The following FAM181A variants were observed in gnomAD, a reference collection of about 807,000 sequenced individuals.
FAM181A encodes protein FAM181A.
A neutral mutation model predicts 16.3 loss-of-function variants in FAM181A; 7 were observed. The observed-to-expected ratio is 0.43, with a 90% CI of 0.24 to 0.81. The LOEUF is 0.81. Among genes scored for constraint, FAM181A ranks in the 30% least tolerant of loss-of-function variants. The pLI, the probability that FAM181A is intolerant of heterozygous loss-of-function variation, is 0.24. For missense variants in FAM181A, 349 were observed against 377.5 expected, an observed-to-expected ratio of 0.92 and a Z score of 0.63; for synonymous variants, 183 against 164.9, an observed-to-expected ratio of 1.11 and a Z score of -0.84.
At position 93,928,192 on chromosome 14, in the gene FAM181A, C is replaced by T. The variant is rs751134151; in HGVS notation, c.-87-7C>T. 1.2e-5 allele frequency: 20 copies of T among 1,609,278 alleles called. No individual in the cohort carries two copies. Among genetic ancestry groups the T allele is most frequent in the Admixed American group, 1.0e-4 (6 of 59,912 alleles). ...GAGAGACTCCGATGGCCTGTTTTGT[C>T]CCCCAGGTCAGCTCGGTGCCCTTCC... On this transcript the variant is annotated splice_polypyrimidine_tract_variant and splice_region_variant and intron_variant, in intron 1 of 1. Coordinates refer to ENST00000556222, the MANE Select transcript of FAM181A (RefSeq NM_001207073.2).
chr14:93,922,563 G>A (rs375510495), upstream of FAM181A, among the ~76,000 whole-genome samples: 1 of 151,840 alleles, frequency 6.6e-6, no homozygotes, highest in Non-Finnish European at 1.5e-5. Flanking sequence ...GGTGGCACAC[G>A]TCTGTAATCC....
chr14:93,929,118 A>G lies in FAM181A; in HGVS notation c.833A>G (p.Lys278Arg). The change falls in exon 2 of 2, where the codon AAG becomes AGG. Residue 278 changes from lysine (K) to arginine (R), a missense_variant. Coordinates refer to ENST00000556222, the MANE Select transcript of FAM181A (RefSeq NM_001207073.2). ...RPVVLKPIPT[K>R]PAVPPPIFNV... ...GTGGTGCTGAAACCCATCCCCACCA[A>G]GCCAGCCGTGCCCCCACCCATCTTC... The G allele has an allele frequency of 6.5e-7, 1 of 1,526,786 alleles. No homozygotes were observed. Among genetic ancestry groups the G allele is most frequent in the Non-Finnish European group, 8.8e-7 (1 of 1,138,356 alleles). The allele number at this position is 1,526,786 out of a possible 1,614,324, so 94.6% of individuals were successfully genotyped here. A position where few individuals can be genotyped will look rare whatever the true frequency, so the allele number is the denominator to read the frequency against.
chr14:93,925,400 G>C, upstream of FAM181A: 1 of 1,601,248 alleles, frequency 6.2e-7, no homozygotes, highest in Non-Finnish European at 8.5e-7. Flanking sequence ...CCAGCTGCTG[G>C]AGAGGTTCAA....
At chr14:93,925,457 T>C, upstream of FAM181A, 1 of 1,254,390 alleles carries the variant, frequency 8.0e-7, no homozygotes, top group Middle Eastern at 2.2e-4. Flanking sequence ...AGCAGGGAGC[T>C]GGCCCTGGTG....
upstream of FAM181A, among the ~76,000 whole-genome samples, chr14:93,925,566 G>A (rs1030879534): frequency 1.3e-5 from 2 of 152,166 alleles, no homozygotes; most frequent in Non-Finnish European, 2.9e-5. Flanking sequence ...GGGCTGGGAC[G>A]TGCTGCAGAA....
intron 1 of FAM181A, chr14:93,919,049 C>T (rs45571237): frequency 0.19 from 28,346 of 152,132 alleles, 3,023 homozygotes; most frequent in Non-Finnish European, 0.24. Context: ...GAATGTGGGG[C>T]GGTGGTCCAT....
rs1345741510 is a variant in FAM181A at position 93,928,797 on chromosome 14, G to T, written c.512G>T (p.Cys171Phe). ...EGPPYEGKKN[C>F]KGLEPLGPET... The stretch of plus-strand genomic sequence containing the variant: ...CCTCCCTATGAGGGTAAGAAAAATT[G>T]CAAGGGCTTGGAGCCCCTGGGACCT... Residue 171 changes from cysteine (C) to phenylalanine (F), a missense_variant, in exon 2 of 2, where the codon TGC becomes TTC. Coordinates refer to ENST00000556222, the MANE Select transcript of FAM181A (RefSeq NM_001207073.2). 2 of 1,613,960 alleles carry T rather than the reference G, an allele frequency of 1.2e-6. No individual in the cohort carries two copies. The highest frequency in any genetic ancestry group is 1.7e-5 in the Admixed American group (1 of 60,028).
upstream of FAM181A, among the ~76,000 whole-genome samples, chr14:93,926,684 A>G (rs1441679172): frequency 6.6e-6 from 1 of 152,162 alleles, no homozygotes; most frequent in Non-Finnish European, 1.5e-5. The surrounding 1 kb of genome is among the most constrained non-coding windows in gnomAD (Gnocchi z 5.2). Flanking sequence ...TGGATATCCC[A>G]GCACCTCGTT....
chr14:93,921,347 G>A (rs1262734126), intron 1 of FAM181A, among the ~76,000 whole-genome samples: 2 of 152,210 alleles, frequency 1.3e-5, no homozygotes, highest in Non-Finnish European at 2.9e-5. Context: ...AGGGGTGCTG[G>A]GGCTGGCTGA....
chr14:93,928,206 C>G lies in FAM181A; in HGVS notation c.-80C>G, dbSNP rs377346763. 5.0e-6 allele frequency: 8 copies of G among 1,612,746 alleles called. No individual in the cohort carries two copies. In the South Asian group the frequency reaches 8.8e-5, roughly 18 times the overall value. On this transcript the variant is annotated 5_prime_UTR_variant, in exon 2 of 2. Coordinates refer to ENST00000556222, the MANE Select transcript of FAM181A (RefSeq NM_001207073.2). Reference sequence around the variant, plus strand: ...GCCTGTTTTGTCCCCCAGGTCAGCTCGGTGCCCTTCCTTGGAGCTGCCGGC... The same window carrying G: ...GCCTGTTTTGTCCCCCAGGTCAGCTGGGTGCCCTTCCTTGGAGCTGCCGGC...
At chr14:93,920,664 G>A (rs1887691935) in intron 1 of FAM181A, among the ~76,000 whole-genome samples, 1 of 152,086 alleles carries the variant, frequency 6.6e-6, no homozygotes, top group Non-Finnish European at 1.5e-5. Context: ...CAGAAAATTA[G>A]GAATAGAAGA....
chr14:93,927,215 G>A (rs1258791756), upstream of FAM181A: 3 of 910,300 alleles, frequency 3.3e-6, no homozygotes, highest in Non-Finnish European at 4.0e-6. Context: ...AATTTGTGAC[G>A]GCAAAGAATG....
chr14:93,927,600 G>A, intron 1 of FAM181A, 146 bp downstream of exon 1: 1 of 1,287,042 alleles, frequency 7.8e-7, no homozygotes, highest in Non-Finnish European at 1.0e-6. Flanking sequence ...AATCCCTGCT[G>A]CCCGCAGCCT....
rs1239059928 is a variant in FAM181A at position 93,928,092 on chromosome 14, G to T, written c.-87-107G>T. On this transcript the variant is annotated intron_variant, in intron 1 of 1. Coordinates refer to ENST00000556222, the MANE Select transcript of FAM181A (RefSeq NM_001207073.2). ...TCTACCCAGGACTCTGTTTAGGGCT[G>T]AGAGGTGCTGGGGTGGGGAGACTGT... 7 of 1,506,266 alleles carry T rather than the reference G, an allele frequency of 4.6e-6. No homozygotes were observed. In the Admixed American group the frequency reaches 1.3e-4, roughly 29 times the overall value. The allele number at this position is 1,506,266 out of a possible 1,614,324, so 93.3% of individuals were successfully genotyped here. A position where few individuals can be genotyped will look rare whatever the true frequency, so the allele number is the denominator to read the frequency against.
At chr14:93,923,186 G>T (rs1887787280), upstream of FAM181A, among the ~76,000 whole-genome samples, 1 of 152,180 alleles carries the variant, frequency 6.6e-6, no homozygotes, top group Non-Finnish European at 1.5e-5. Context: ...TGTTGGCCAG[G>T]CTGGTCTCGA....
chr14:93,926,540 C>T (rs1469346139), upstream of FAM181A, among the ~76,000 whole-genome samples: 1 of 152,250 alleles, frequency 6.6e-6, no homozygotes, highest in Non-Finnish European at 1.5e-5. The surrounding 1 kb of genome is among the most constrained non-coding windows in gnomAD (Gnocchi z 5.2). Flanking sequence ...AACTGTTTGA[C>T]TACAAATGCA....
upstream of FAM181A, among the ~76,000 whole-genome samples, chr14:93,924,268 G>A (rs1236351019): frequency 6.6e-6 from 1 of 152,190 alleles, no homozygotes; most frequent in Non-Finnish European, 1.5e-5. Context: ...AGGAGTTGGC[G>A]GAAGGCATCC....
intron 1 of FAM181A, among the ~76,000 whole-genome samples, chr14:93,921,517 C>T (rs1168824167): frequency 1.3e-5 from 2 of 152,238 alleles, no homozygotes; most frequent in African/African-American, 2.4e-5. Context: ...AGAAGCACGT[C>T]CACTCTGATT....
intron 1 of FAM181A, 197 bp downstream of exon 1, chr14:93,927,651 AG>A (rs1415199226): frequency 1.6e-6 from 2 of 1,270,596 alleles, no homozygotes; most frequent in Admixed American, 4.9e-5. Flanking sequence ...AGTGCCAGAC[AG>A]GGGTCCTGCC....
Sources: gnomAD v4.1 joint callset for allele counts (sites outside exome capture counted in the v4.1 genomes callset) on GRCh38, gnomAD v4.1.1 for gene constraint, Gnocchi (gnomAD v3.1) non-coding constraint, MANE v1.5 for transcripts, NCBI Gene and HGNC (gene_info 2026-07-23, HGNC 2026-07-21) for gene names.